The following ZNF184 variants were observed in gnomAD, a reference collection of about 807,000 sequenced individuals.
ZNF184 encodes the protein zinc finger protein 184.
ZNF184 carries 16 observed loss-of-function variants against 54.4 expected under a neutral mutation model. The observed-to-expected ratio is 0.29, with a 90% CI of 0.20 to 0.45. The LOEUF (loss-of-function observed/expected upper bound fraction) is 0.45. Among genes scored for constraint, ZNF184 ranks in the 20% least tolerant of loss-of-function variants. The probability of loss-of-function intolerance (pLI) is 1.00; values close to 1 mark genes in which losing one functional copy is unlikely to be tolerated. For missense variants in ZNF184, 681 were observed against 888.2 expected, an observed-to-expected ratio of 0.77 and a Z score of 2.97; for synonymous variants, 254 against 295.3, an observed-to-expected ratio of 0.86 and a Z score of 1.43.
intron 2 of ZNF184, among the ~76,000 whole-genome samples, chr6:27,468,832 A>G (rs567837441): frequency 6.6e-6 from 1 of 152,350 alleles, no homozygotes; most frequent in African/African-American, 2.4e-5. Flanking sequence ...TACAGTAATG[A>G]AAGTTAGAAT....
the ZNF184 span, among the ~76,000 whole-genome samples, chr6:27,422,217 A>AAAG: frequency 2.0e-4 from 30 of 146,750 alleles, no homozygotes; most frequent in East Asian, 2.1e-4. Flanking sequence ...AGAAAGAAAG[A>AAAG]AAAGAAAAGA....
the ZNF184 span, among the ~76,000 whole-genome samples, chr6:27,442,812 GAGAAAGAAAGAAAGAA>G: frequency 0.028 from 1,466 of 52,524 alleles, 55 homozygotes; most frequent in African/African-American, 0.067. Context: ...GAGAAAGAAA[GAGAAAGAAAGAAAGAA>G]AGAAAGAAAG....
the ZNF184 span, chr6:27,404,265 CAA>C: frequency 3.3e-5 from 5 of 152,160 alleles, no homozygotes; most frequent in Admixed American, 6.5e-5. Flanking sequence ...TCAAGGAAAA[CAA>C]AGCTTTTCTA....
the ZNF184 span, among the ~76,000 whole-genome samples, chr6:27,438,727 A>T: frequency 6.6e-6 from 1 of 152,128 alleles, no homozygotes; most frequent in Non-Finnish European, 1.5e-5. Flanking sequence ...TTTGGGGGCC[A>T]TTTCTTTTCT....
the ZNF184 span, among the ~76,000 whole-genome samples, chr6:27,417,746 G>A: frequency 2.0e-5 from 3 of 152,220 alleles, no homozygotes; most frequent in African/African-American, 7.2e-5. Flanking sequence ...TAATGGTGAA[G>A]TGAGAAAATG....
At chr6:27,435,182 GA>G in the ZNF184 span, among the ~76,000 whole-genome samples, 9 of 151,522 alleles carry the variant, frequency 5.9e-5, no homozygotes, top group East Asian at 5.8e-4. Context: ...TTATTATCTA[GA>G]AAAAAAACAC....
intron 2 of ZNF184, among the ~76,000 whole-genome samples, chr6:27,468,121 G>C (rs1763188071): frequency 6.6e-6 from 1 of 152,176 alleles, no homozygotes; most frequent in Non-Finnish European, 1.5e-5. Flanking sequence ...ATTGCTTTAT[G>C]ATTCAGTTTT....
chr6:27,423,931 T>C, the ZNF184 span, among the ~76,000 whole-genome samples: 2 of 152,206 alleles, frequency 1.3e-5, no homozygotes, highest in Non-Finnish European at 2.9e-5. Context: ...AATGCTTGAG[T>C]CTGCTCTTGT....
chr6:27,460,176 C>T (rs997001083), intron 3 of ZNF184, among the ~76,000 whole-genome samples: 1 of 151,976 alleles, frequency 6.6e-6, no homozygotes. Flanking sequence ...ATAGGAAGAA[C>T]GTTTATATGT....
At chr6:27,460,720 T>C (rs924609381) in intron 3 of ZNF184, among the ~76,000 whole-genome samples, 13 of 152,220 alleles carry the variant, frequency 8.5e-5, no homozygotes, top group African/African-American at 2.7e-4. Context: ...ACAATCTCCA[T>C]GGGCAATGCA....
intron 3 of ZNF184, among the ~76,000 whole-genome samples, chr6:27,467,046 C>G (rs1763155848): frequency 6.6e-6 from 1 of 152,130 alleles, no homozygotes; most frequent in African/African-American, 2.4e-5. Flanking sequence ...ATCTGTTAAT[C>G]CTTACTTATG....
chr6:27,410,072 G>T, the ZNF184 span, among the ~76,000 whole-genome samples: 1 of 152,180 alleles, frequency 6.6e-6, no homozygotes, highest in Non-Finnish European at 1.5e-5. Context: ...AAGAGACTAT[G>T]CCATATAGTC....
At chr6:27,434,762 G>A in the ZNF184 span, among the ~76,000 whole-genome samples, 2 of 152,244 alleles carry the variant, frequency 1.3e-5, no homozygotes, top group South Asian at 2.1e-4. Context: ...TCTTGTAGGG[G>A]TTATGTTTTC....
the ZNF184 span, among the ~76,000 whole-genome samples, chr6:27,442,812 GAGAAAGAA>G: frequency 0.07 from 3,665 of 52,226 alleles, 211 homozygotes; most frequent in East Asian, 0.12. Context: ...GAGAAAGAAA[GAGAAAGAA>G]AGAAAGAAAG....
At chr6:27,440,204 C>G in the ZNF184 span, among the ~76,000 whole-genome samples, 154 of 152,204 alleles carry the variant, frequency 1.0e-3, no homozygotes, top group Non-Finnish European at 1.9e-3. Context: ...TGATTTTTGT[C>G]TAATTGATTT....
the ZNF184 span, among the ~76,000 whole-genome samples, chr6:27,411,275 T>A: frequency 6.6e-6 from 1 of 151,916 alleles, no homozygotes; most frequent in East Asian, 1.9e-4. Context: ...GAGGAATGAG[T>A]TCTCATGATT....
chr6:27,454,602 T>C (rs901410137), intron 5 of ZNF184, among the ~76,000 whole-genome samples: 1 of 95,058 alleles, frequency 1.1e-5, no homozygotes, highest in African/African-American at 3.4e-5. Flanking sequence ...GAACAGTGCA[T>C]GGAAGTGGCA....
chr6:27,467,610 C>G (rs958666735), intron 3 of ZNF184, among the ~76,000 whole-genome samples: 1 of 151,978 alleles, frequency 6.6e-6, no homozygotes, highest in Non-Finnish European at 1.5e-5. Flanking sequence ...AAAAAGGATC[C>G]AGTTTTGTAC....
the ZNF184 span, among the ~76,000 whole-genome samples, chr6:27,409,521 A>AAC: frequency 6.7e-6 from 1 of 148,872 alleles, no homozygotes; most frequent in East Asian, 1.9e-4. Context: ...AAAAAAAAAA[A>AAC]CACAAAACAA....
Sources: allele counts gnomAD v4.1 joint callset (sites outside exome capture counted in the v4.1 genomes callset), GRCh38; gene constraint gnomAD v4.1.1; transcripts MANE v1.5; gene names NCBI Gene and HGNC (gene_info 2026-07-23, HGNC 2026-07-21).